Variants in SERPINB12 observed in about 807,000 individuals in gnomAD.
SERPINB12 encodes the protein serpin B12.
In SERPINB12, 57 loss-of-function variants were observed where a neutral mutation model predicts 41.1. That is an observed-to-expected ratio of 1.39 (90% CI 1.12 to 1.73). SERPINB12 has a LOEUF of 1.73. Among genes scored for constraint, SERPINB12 ranks in the 40% most tolerant of loss-of-function variants. The pLI is 0.00. For synonymous variants in SERPINB12, 180 were observed against 181.3 expected (o/e 0.99, Z 0.06); for missense variants, 536 against 501.9 (o/e 1.07, Z -0.65).
At chr18:63,545,156 T>A (rs1401321173) in intron 1 of SERPINB12, among the ~76,000 whole-genome samples, 1 of 152,164 alleles carries the variant, frequency 6.6e-6, no homozygotes, top group Non-Finnish European at 1.5e-5. Context: ...GGAGGAATCA[T>A]CTAGCTCTAT....
intron 6 of SERPINB12, among the ~76,000 whole-genome samples, chr18:63,564,754 C>T (rs1295948109): frequency 6.6e-6 from 1 of 152,126 alleles, no homozygotes; most frequent in Non-Finnish European, 1.5e-5. Flanking sequence ...GGCCAGCTGG[C>T]ATGGGGTGGT....
chr18:63,556,405 G>A (rs1213477103), intron 2 of SERPINB12, 78 bp downstream of exon 2: 27 of 1,402,508 alleles, frequency 1.9e-5, no homozygotes, highest in Non-Finnish European at 2.6e-5. Context: ...TCCCACTTAG[G>A]CAAGCCAAGG....
intron 5 of SERPINB12, 62 bp downstream of exon 5, chr18:63,561,264 C>CAAAG: frequency 1.0e-6 from 1 of 999,720 alleles, no homozygotes; most frequent in Non-Finnish European, 1.6e-6. Context: ...AATTGGTCTG[C>CAAAG]CTAGCTTTGC....
intron 1 of SERPINB12, among the ~76,000 whole-genome samples, chr18:63,554,150 C>A (rs1408137282): frequency 2.6e-5 from 4 of 152,042 alleles, no homozygotes; most frequent in African/African-American, 9.7e-5. Flanking sequence ...GGGGAGAGTA[C>A]CCACATACAG....
At chr18:63,539,940 G>A (rs1486026058), upstream of SERPINB12, among the ~76,000 whole-genome samples, 2 of 152,038 alleles carry the variant, frequency 1.3e-5, no homozygotes, top group South Asian at 2.1e-4. Flanking sequence ...CACTTAGTAC[G>A]TGGACATAGA....
At chr18:63,535,249 C>A in the SERPINB12 span, among the ~76,000 whole-genome samples, 1 of 151,962 alleles carries the variant, frequency 6.6e-6, no homozygotes, top group African/African-American at 2.4e-5. Flanking sequence ...CTTCCTCCTT[C>A]GTATTTATCC....
intron 3 of SERPINB12, among the ~76,000 whole-genome samples, chr18:63,559,293 G>A (rs184308223): frequency 2.0e-4 from 31 of 151,986 alleles, no homozygotes; most frequent in Admixed American, 1.3e-3. Flanking sequence ...AAGAAAATCA[G>A]AGTGTGTCAG....
chr18:63,532,108 T>C, the SERPINB12 span, among the ~76,000 whole-genome samples: 1 of 152,320 alleles, frequency 6.6e-6, no homozygotes, highest in South Asian at 2.1e-4. Context: ...TAGCTCATAC[T>C]TTTGCCTCCT....
chr18:63,530,105 T>C, the SERPINB12 span, among the ~76,000 whole-genome samples: 1 of 152,150 alleles, frequency 6.6e-6, no homozygotes. Context: ...ACTTCCTTCA[T>C]TGGTAAATGA....
rs192453211 is a variant in SERPINB12 at position 63,568,631 on chromosome 18, G to A, written c.*1620G>A. ...CTTTGGAGTCAGTCTCTTTCCTATC[G>A]AGGTGGGTTTCAGGTCTTGCTTGCG... On this transcript the variant is annotated 3_prime_UTR_variant, in exon 8 of 8. Coordinates refer to ENST00000382768, the MANE Select transcript of SERPINB12 (RefSeq NM_001307928.2). 3.9e-5 allele frequency among the ~76,000 whole-genome samples: 6 copies of A among 152,108 alleles called. No individual in the cohort carries two copies. Among genetic ancestry groups the A allele is most frequent in the Non-Finnish European group, 7.4e-5 (5 of 68,002 alleles).
rs577710661 is a variant in SERPINB12, at chr18:63,568,238, G to A, written c.*1227G>A. Among the ~76,000 whole-genome samples, 9 of 152,190 alleles carry A rather than the reference G, an allele frequency of 5.9e-5. No homozygotes were observed. Among genetic ancestry groups the A allele is most frequent in the East Asian group, 3.9e-4 (2 of 5,156 alleles). ...TCTACAAAAAATACAGAAATTAGCCGGGCGTGGTGGTGTGCACCTATAGTC... is the reference window on the plus strand; with the variant it reads ...TCTACAAAAAATACAGAAATTAGCCAGGCGTGGTGGTGTGCACCTATAGTC... On this transcript the variant is annotated 3_prime_UTR_variant, in exon 8 of 8. Transcript: ENST00000382768.
chr18:63,548,421 A>G (rs1277192054), intron 1 of SERPINB12, among the ~76,000 whole-genome samples: 2 of 152,114 alleles, frequency 1.3e-5, no homozygotes, highest in Non-Finnish European at 2.9e-5. Context: ...ATTAAGTTGA[A>G]AATACATTAC....
chr18:63,553,576 C>A (rs1431461684), intron 1 of SERPINB12, among the ~76,000 whole-genome samples: 1 of 152,180 alleles, frequency 6.6e-6, no homozygotes, highest in Non-Finnish European at 1.5e-5. Flanking sequence ...TCAATATAGT[C>A]AGGCTCTTGT....
At chr18:63,529,393 G>T in the SERPINB12 span, among the ~76,000 whole-genome samples, 1 of 152,154 alleles carries the variant, frequency 6.6e-6, no homozygotes, top group Non-Finnish European at 1.5e-5. Context: ...CTGTGGTTTT[G>T]GAGAGTCTTT....
the SERPINB12 span, among the ~76,000 whole-genome samples, chr18:63,520,926 A>G: frequency 1.3e-5 from 2 of 152,260 alleles, no homozygotes; most frequent in African/African-American, 4.8e-5. Flanking sequence ...GCATCATAGT[A>G]AACTAACTGT....
chr18:63,561,014 GTCTCACT>G, intron 4 of SERPINB12, 64 bp from the exon 5 acceptor site: 1 of 955,654 alleles, frequency 1.0e-6, no homozygotes, highest in Non-Finnish European at 1.7e-6. Flanking sequence ...TCTCAGGAGA[GTCTCACT>G]CCTAACTACG....
chr18:63,536,188 A>G, the SERPINB12 span, among the ~76,000 whole-genome samples: 1 of 151,944 alleles, frequency 6.6e-6, no homozygotes, highest in African/African-American at 2.4e-5. Flanking sequence ...CAGTTCTTTC[A>G]AAAAATTCAT....
chr18:63,555,630 G>T (rs1024225894), intron 1 of SERPINB12, among the ~76,000 whole-genome samples: 1 of 152,122 alleles, frequency 6.6e-6, no homozygotes, highest in Non-Finnish European at 1.5e-5. Context: ...TTCAGTGACT[G>T]CTGTCTTTAA....
Position 63,559,753 on chromosome 18 carries a change from T to C in SERPINB12, c.444+35T>C, listed in dbSNP as rs769410151. The C allele has an allele frequency of 8.7e-6, 14 of 1,608,822 alleles. 1 individual carries two copies. The highest frequency in any genetic ancestry group is 7.7e-5 in the South Asian group (7 of 90,628). ...ACACGAATGGTGACTAAAGCTACCA[T>C]GTAGCATACTATTTAAAAATCAGGG... On this transcript the variant is annotated intron_variant, in intron 4 of 7. Coordinates refer to ENST00000382768, the MANE Select transcript of SERPINB12 (RefSeq NM_001307928.2).
Sources: allele counts gnomAD v4.1 joint callset (sites outside exome capture counted in the v4.1 genomes callset), GRCh38; gene constraint gnomAD v4.1.1; transcripts MANE v1.5; gene names NCBI Gene and HGNC (gene_info 2026-07-23, HGNC 2026-07-21).